Variants in KAT2A observed in about 807,000 individuals in gnomAD.
The protein encoded by KAT2A is lysine acetyltransferase 2A, also known as histone acetyltransferase KAT2A.
KAT2A carries 42 observed loss-of-function variants against 95.2 expected under a neutral mutation model. The ratio of observed to expected loss-of-function variants is 0.44; its 90% CI spans 0.34 to 0.57. The LOEUF (loss-of-function observed/expected upper bound fraction) is 0.57. KAT2A is among the 20% of genes least tolerant of loss of function. The pLI, the probability that KAT2A is intolerant of heterozygous loss-of-function variation, is 0.01. For missense variants in KAT2A, 784 were observed against 1,126.3 expected, an observed-to-expected ratio of 0.70 and a Z score of 4.35; for synonymous variants, 449 against 448.2, an observed-to-expected ratio of 1.00 and a Z score of -0.02.
In KAT2A at chr17:42,114,389, T is replaced by C. The variant is rs1404670618; in HGVS notation, c.2140A>G (p.Thr714Ala). ...PVESVPGIRE[T>A]GWKPLGKEKG... ...TCCTTCCCCAATGGCTTCCAGCCTG[T>C]CTCTCCTGCAAAGTGGGAAGTGGGA... The change falls in exon 15 of 18, where the codon ACA becomes GCA. Residue 714 changes from threonine (T) to alanine (A), a missense_variant. This residue lies in a region of KAT2A where 195 missense variants were observed against 247.1 expected (regional missense o/e 0.79). Transcript: ENST00000225916. The surrounding 1 kb of genome is among the most constrained non-coding windows in gnomAD (Gnocchi z 6.0). 2 of 1,613,958 alleles carry C rather than the reference T, an allele frequency of 1.2e-6. No homozygotes were observed. The highest frequency in any genetic ancestry group is 1.3e-5 in the African/African-American group (1 of 74,956).
chr17:42,117,781 A>C lies in KAT2A; in HGVS notation c.1325T>G (p.Leu442Arg). 1.2e-6 allele frequency: 2 copies of C among 1,614,014 alleles called. No individual in the cohort carries two copies. Among genetic ancestry groups the C allele is most frequent in the Non-Finnish European group, 1.7e-6 (2 of 1,179,920 alleles). The change falls in exon 9 of 18, where the codon CTG becomes CGG. Residue 442 changes from leucine (L) to arginine (R), a missense_variant. By Grantham distance (102) the Leu-to-Arg change is moderately radical (BLOSUM62 -2). This residue lies in a region of KAT2A where 174 missense variants were observed against 324.9 expected (regional missense o/e 0.54). Coordinates refer to ENST00000225916, the MANE Select transcript of KAT2A (RefSeq NM_021078.3). The surrounding 1 kb of genome is among the most constrained non-coding windows in gnomAD (Gnocchi z 8.9). ...EKRTLPENLT[L>R]EDAKRLRVMG... is the part of the protein sequence containing the mutation. ...CACACGGAGCCGCTTGGCATCCTCCAGGGTCAGGTTCTCTGGGAGCGTCCT... is the reference window on the plus strand; with the variant it reads ...CACACGGAGCCGCTTGGCATCCTCCCGGGTCAGGTTCTCTGGGAGCGTCCT...
In KAT2A at chr17:42,117,485, G is replaced by A. The variant is rs1555666211; in HGVS notation, c.1540C>T (p.Arg514Trp). 3.1e-6 allele frequency: 5 copies of A among 1,613,628 alleles called. No individual in the cohort carries two copies. The highest frequency in any genetic ancestry group is 2.2e-5 in the South Asian group (2 of 91,094). Residue 514 changes from arginine to tryptophan, a missense_variant, in exon 10 of 18, where the codon CGG (arginine) becomes TGG (tryptophan). By Grantham distance (101) the Arg-to-Trp change is moderately radical. Coordinates refer to ENST00000225916, the MANE Select transcript of KAT2A (RefSeq NM_021078.3). The surrounding 1 kb of genome is among the most constrained non-coding windows in gnomAD (Gnocchi z 8.9). Reference sequence around the variant, plus strand: ...CCCACGAGCCACAGCAACACCCGCCGGTTGGCCTTGGGCGTCAGTGAGTTG... The same window carrying A: ...CCCACGAGCCACAGCAACACCCGCCAGTTGGCCTTGGGCGTCAGTGAGTTG... ...IGNSLTPKAN[R>W]RVLLWLVGLQ...
chr17:42,118,233 C>A, intron 7 of KAT2A, 64 bp downstream of exon 7: 1 of 1,300,832 alleles, frequency 7.7e-7, no homozygotes, highest in South Asian at 1.2e-5. Flanking sequence ...AGCTCTCTTC[C>A]ACCCAGGAGG....
At chr17:42,116,897 T>C in intron 11 of KAT2A, 138 bp downstream of exon 11, 1 of 1,036,676 alleles carries the variant, frequency 9.6e-7, no homozygotes, top group Non-Finnish European at 1.4e-6. Flanking sequence ...GCTGCCACCT[T>C]GTGGGGATGT....
intron 7 of KAT2A, 83 bp downstream of exon 7, chr17:42,118,214 G>A: frequency 8.8e-7 from 1 of 1,130,074 alleles, no homozygotes; most frequent in Non-Finnish European, 1.3e-6. Context: ...AGGGCCTCCG[G>A]CCCAGGTGAG....
In KAT2A at chr17:42,113,768, G is replaced by GCTGCAGGTCGGCCA; in HGVS notation, c.2381_2394dup (p.Arg799TrpfsTer53). 2.5e-6 allele frequency: 4 copies of GCTGCAGGTCGGCCA among 1,610,324 alleles called. No homozygotes were observed. The highest frequency in any genetic ancestry group is 3.4e-6 in the Non-Finnish European group (4 of 1,178,722). On this transcript the variant is annotated frameshift_variant, in exon 18 of 18. Coordinates refer to ENST00000225916, the MANE Select transcript of KAT2A (RefSeq NM_021078.3). LOFTEE classifies it high-confidence loss of function. ...TACTCGCGACAGTTGGCGATGACCC[G>GCTGCAGGTCGGCCA]CTGCAGGTCGGCCACAAAGAGCTTC... is the stretch of plus-strand genomic sequence containing the variant.
At position 42,117,805 on chromosome 17, in the gene KAT2A, C is replaced by T; in HGVS notation, c.1301G>A (p.Arg434Lys). The change falls in exon 9 of 18, where the codon AGG (arginine) becomes AAG (lysine). Residue 434 changes from arginine to lysine, a missense_variant. Around this residue, in one of 6 missense-constraint regions of KAT2A, gnomAD observed 174 missense variants for 324.9 expected, o/e 0.54. Transcript: ENST00000225916. This position sits in a 1 kb window ranked among gnomAD's most constrained non-coding sequence, Gnocchi z 8.9. The stretch of plus-strand genomic sequence containing the variant: ...CAGGGTCAGGTTCTCTGGGAGCGTC[C>T]TCTTCTCGCCTATTGGGGAGGCAGG... ...AGAEPMPGEK[R>K]TLPENLTLED... 1 of 1,613,768 alleles carries T rather than the reference C, an allele frequency of 6.2e-7. No individual in the cohort carries two copies. The highest frequency in any genetic ancestry group is 8.5e-7 in the Non-Finnish European group (1 of 1,179,770).
intron 7 of KAT2A, 43 bp downstream of exon 7, chr17:42,118,254 C>T (rs368629772): frequency 4.8e-6 from 7 of 1,455,354 alleles, no homozygotes; most frequent in Non-Finnish European, 6.7e-6. Flanking sequence ...CTTAGCTCAG[C>T]CAGGCAGGCC....
chr17:42,118,044 T>A, intron 7 of KAT2A, 27 bp from the exon 8 acceptor site: 3 of 1,280,678 alleles, frequency 2.3e-6, no homozygotes, highest in Non-Finnish European at 3.1e-6. Flanking sequence ...ACGTCAGGGA[T>A]GGGGGGCTGA....
Position 42,119,811 on chromosome 17 carries a change from G to T in KAT2A, c.700-93C>A. On this transcript the variant is annotated intron_variant, in intron 4 of 17. Coordinates refer to ENST00000225916, the MANE Select transcript of KAT2A (RefSeq NM_021078.3). The surrounding 1 kb of genome is among the most constrained non-coding windows in gnomAD (Gnocchi z 5.3). ...CAAAGGAAGATGCTCCCTGGCCAGG[G>T]ACAAGGTTCTCCTTCTCCTCTCTCT... 1 of 1,177,862 alleles carries T rather than the reference G, an allele frequency of 8.5e-7. No individual in the cohort carries two copies. Among genetic ancestry groups the T allele is most frequent in the Non-Finnish European group, 1.2e-6 (1 of 837,720 alleles). The allele number at this position is 1,177,862 out of a possible 1,614,324, so 73.0% of individuals were successfully genotyped here.
Position 42,117,163 on chromosome 17 carries a change from T to C in KAT2A, c.1638-2A>G. ...ATCAAGGCCAGAGTCTTGTGCTTCC[T>C]AAGAGAGAGGGGGGCATGTCATAGC... On this transcript the variant is annotated splice_acceptor_variant, in intron 10 of 17. Coordinates refer to ENST00000225916, the MANE Select transcript of KAT2A (RefSeq NM_021078.3). LOFTEE classifies it high-confidence loss of function. The surrounding 1 kb of genome is among the most constrained non-coding windows in gnomAD (Gnocchi z 8.9). 2 of 1,613,850 alleles carry C rather than the reference T, an allele frequency of 1.2e-6. No homozygotes were observed.
rs1482211511 is a variant in KAT2A, at chr17:42,117,705, A to C, written c.1401T>G (p.Thr467=). 10 of 1,612,914 alleles carry C rather than the reference A, an allele frequency of 6.2e-6. No individual in the cohort carries two copies. The highest frequency in any genetic ancestry group is 8.5e-6 in the Non-Finnish European group (10 of 1,179,356). Residue 467 remains threonine, a synonymous_variant, in exon 9 of 18, where the codon ACT becomes ACG. Coordinates refer to ENST00000225916, the MANE Select transcript of KAT2A (RefSeq NM_021078.3). The surrounding 1 kb of genome is among the most constrained non-coding windows in gnomAD (Gnocchi z 8.9). ...ELVNEVMLTI[T]DPAAMLGPET... is the part of the protein sequence containing the mutation. ...CAGGCCCCAGCATGGCAGCAGGGTC[A>C]GTGATGGTCAGCATGACCTCATTGA...
At chr17:42,116,946 G>T (rs1259093196) in intron 11 of KAT2A, 89 bp downstream of exon 11, 1 of 1,495,938 alleles carries the variant, frequency 6.7e-7, no homozygotes, top group Non-Finnish European at 9.2e-7. Context: ...GCAACGGGCT[G>T]CTGCATGCCA....
chr17:42,120,558 TC>T, intron 2 of KAT2A, 147 bp downstream of exon 2: 2 of 1,255,432 alleles, frequency 1.6e-6, no homozygotes, highest in Non-Finnish European at 2.2e-6. Flanking sequence ...ATTTCCTTTC[TC>T]CCCCCTTGGT....
Position 42,120,963 on chromosome 17 carries a change from C to T in KAT2A, c.339+3G>A, listed in dbSNP as rs782599836. On this transcript the variant is annotated splice_donor_region_variant and intron_variant, in intron 1 of 17. Transcript: ENST00000225916. The stretch of plus-strand genomic sequence containing the variant: ...GCCCCTTCACCCCAGGCCCCGCCCC[C>T]ACCTTGCAAGCCGAGAAGACCCCTA... The T allele has an allele frequency of 6.4e-6, 10 of 1,574,238 alleles. No homozygotes were observed. The African/African-American group carries it at 9.4e-5, about 15-fold the overall frequency.
rs1450370051 is a variant in KAT2A, at chr17:42,113,805, G to A, written c.2358C>T (p.Tyr786=). Residue 786 remains tyrosine, a synonymous_variant, in exon 18 of 18, where the codon TAC becomes TAT. Transcript: ENST00000225916. ...KTMTERLRSR[Y]YVTRKLFVAD... ...CCACAAAGAGCTTCCGGGTCACGTA[G>A]TAGCGGCTTCGCAGCCGCTCAGTCA... The A allele has an allele frequency of 6.2e-7, 1 of 1,602,154 alleles. No homozygotes were observed. Among genetic ancestry groups the A allele is most frequent in the Non-Finnish European group, 8.5e-7 (1 of 1,176,140 alleles).
intron 2 of KAT2A, 68 bp downstream of exon 2, chr17:42,120,638 G>A: frequency 6.2e-7 from 1 of 1,601,498 alleles, no homozygotes; most frequent in Non-Finnish European, 8.5e-7. Context: ...AAGCTTTGTG[G>A]CACTTGTCAC....
In KAT2A at chr17:42,113,528, G is replaced by A. The variant is rs1034454040; in HGVS notation, c.*121C>T. 5 of 914,484 alleles carry A rather than the reference G, an allele frequency of 5.5e-6. No individual in the cohort carries two copies. The highest frequency in any genetic ancestry group is 2.7e-5 in the East Asian group (1 of 37,682). 56.6% of individuals were successfully genotyped at this position (914,484 alleles called of 1,614,324 possible). A position where few individuals can be genotyped will look rare whatever the true frequency, so the allele number is the denominator to read the frequency against. ...AAAGAGCTGCAGGATCGGGTCCGGAGGACCCTTGGCTGGAGTGTCTCAAGC... is the reference window on the plus strand; with the variant it reads ...AAAGAGCTGCAGGATCGGGTCCGGAAGACCCTTGGCTGGAGTGTCTCAAGC... On this transcript the variant is annotated 3_prime_UTR_variant, in exon 18 of 18. Coordinates refer to ENST00000225916, the MANE Select transcript of KAT2A (RefSeq NM_021078.3).
rs2054312803 is a variant in KAT2A at position 42,119,989 on chromosome 17, C to T, written c.699+41G>A. ...AGGCTCCCCACTCCTCCAAGCTGTC[C>T]CCAATTCTCCTATCCGCTATCTCCA... On this transcript the variant is annotated intron_variant, in intron 4 of 17. Coordinates refer to ENST00000225916, the MANE Select transcript of KAT2A (RefSeq NM_021078.3). The surrounding 1 kb of genome is among the most constrained non-coding windows in gnomAD (Gnocchi z 5.3). 6.5e-7 allele frequency: 1 copy of T among 1,538,350 alleles called. No homozygotes were observed. Among genetic ancestry groups the T allele is most frequent in the East Asian group, 2.2e-5 (1 of 44,488 alleles).
Sources: allele counts gnomAD v4.1 joint callset, GRCh38; gene constraint gnomAD v4.1.1; regional missense constraint gnomAD v4.1.1; non-coding constraint Gnocchi (gnomAD v3.1); transcripts MANE v1.5; gene names NCBI Gene and HGNC (gene_info 2026-07-23, HGNC 2026-07-21).